The following ARB2A variants were observed in gnomAD, a reference collection of about 807,000 sequenced individuals.
The protein encoded by ARB2A is ARB2 cotranscriptional regulator A, also known as cotranscriptional regulator ARB2A.
At chr5:93,698,521 G>A in the ARB2A span, among the ~76,000 whole-genome samples, 1 of 152,108 alleles carries the variant, frequency 6.6e-6, no homozygotes, top group South Asian at 2.1e-4. Flanking sequence ...ACACCGAGAA[G>A]GTGATATTTG....
At chr5:94,023,955 G>A in the ARB2A span, among the ~76,000 whole-genome samples, 5 of 152,290 alleles carry the variant, frequency 3.3e-5, no homozygotes, top group Admixed American at 2.6e-4. Flanking sequence ...GAAAGAAATG[G>A]TGGGTTTCTG....
chr5:93,741,561 C>T, the ARB2A span: 1 of 1,547,852 alleles, frequency 6.5e-7, no homozygotes. Flanking sequence ...TGTGTCCGGC[C>T]ATGGGTGGAA....
chr5:93,862,470 A>C, the ARB2A span: 1 of 152,244 alleles, frequency 6.6e-6, no homozygotes, highest in Non-Finnish European at 1.5e-5. Flanking sequence ...GAAAACATAG[A>C]TGCATTAAAT....
At chr5:94,098,691 G>C in the ARB2A span, among the ~76,000 whole-genome samples, 2 of 151,904 alleles carry the variant, frequency 1.3e-5, no homozygotes, top group Non-Finnish European at 2.9e-5. Context: ...ACAAACTAAG[G>C]AGTTGATTTT....
At chr5:93,908,705 T>C in the ARB2A span, among the ~76,000 whole-genome samples, 2 of 150,942 alleles carry the variant, frequency 1.3e-5, no homozygotes, top group Non-Finnish European at 3.0e-5. Flanking sequence ...AAAGGTTACT[T>C]TCAACTGAAA....
At chr5:93,741,618 CAG>C in the ARB2A span, 1 of 1,445,670 alleles carries the variant, frequency 6.9e-7, no homozygotes, top group African/African-American at 1.4e-5. Flanking sequence ...CTCGAGGCTT[CAG>C]AACAGCCACC....
chr5:93,821,272 C>T, the ARB2A span, among the ~76,000 whole-genome samples: 1 of 151,974 alleles, frequency 6.6e-6, no homozygotes, highest in African/African-American at 2.4e-5. Context: ...CATTCAAACA[C>T]GACGCTACAA....
At chr5:93,634,471 A>G in the ARB2A span, among the ~76,000 whole-genome samples, 1 of 152,148 alleles carries the variant, frequency 6.6e-6, no homozygotes, top group Non-Finnish European at 1.5e-5. Flanking sequence ...AAAGCAGAGT[A>G]TATTTCTTGC....
the ARB2A span, chr5:93,958,892 A>G: frequency 1.2e-6 from 2 of 1,608,576 alleles, no homozygotes; most frequent in Non-Finnish European, 1.7e-6. Flanking sequence ...AATTAAAACC[A>G]TCAGTTTCTG....
chr5:94,066,445 C>T, the ARB2A span, among the ~76,000 whole-genome samples: 2 of 151,034 alleles, frequency 1.3e-5, no homozygotes, highest in Non-Finnish European at 2.9e-5. Context: ...CACACACACA[C>T]ACACACACAC....
chr5:94,014,541 C>T, the ARB2A span, among the ~76,000 whole-genome samples: 1 of 152,048 alleles, frequency 6.6e-6, no homozygotes, highest in Non-Finnish European at 1.5e-5. Context: ...CCCAAATAGA[C>T]AAATCAAGGA....
chr5:93,677,028 A>G, the ARB2A span, among the ~76,000 whole-genome samples: 2 of 152,296 alleles, frequency 1.3e-5, no homozygotes, highest in South Asian at 2.1e-4. Context: ...CATCCTACGA[A>G]TATCTGGCTG....
chr5:93,620,478 A>C, the ARB2A span: 1 of 152,346 alleles, frequency 6.6e-6, no homozygotes, highest in Admixed American at 6.5e-5. Context: ...TTCCTTAAAA[A>C]AAAAAAAAAA....
the ARB2A span, among the ~76,000 whole-genome samples, chr5:94,038,785 A>C: frequency 6.6e-6 from 1 of 151,754 alleles, no homozygotes; most frequent in Non-Finnish European, 1.5e-5. Context: ...TAAAGACAAA[A>C]CTCGATATTC....
At chr5:93,830,311 G>GTGTATGTGTGTGTATGTATA in the ARB2A span, among the ~76,000 whole-genome samples, 1 of 82,260 alleles carries the variant, frequency 1.2e-5, no homozygotes, top group African/African-American at 5.2e-5. Context: ...GTGTGTGTGT[G>GTGTATGTGTGTGTATGTATA]TATATATATA....
chr5:93,780,652 T>G, the ARB2A span, among the ~76,000 whole-genome samples: 1 of 148,546 alleles, frequency 6.7e-6, no homozygotes, highest in Non-Finnish European at 1.5e-5. Context: ...CTCCACCTCC[T>G]GGGTTCAAGT....
At chr5:94,046,639 T>C in the ARB2A span, among the ~76,000 whole-genome samples, 3 of 152,330 alleles carry the variant, frequency 2.0e-5, no homozygotes, top group Admixed American at 1.3e-4. Context: ...GTGCCTGCTT[T>C]CTGCTCCAAG....
the ARB2A span, among the ~76,000 whole-genome samples, chr5:93,855,667 C>G: frequency 2.6e-4 from 40 of 152,246 alleles, 1 homozygote; most frequent in South Asian, 7.9e-3. Flanking sequence ...GTGACAAAAT[C>G]TCTCAGCATT....
At chr5:93,869,065 T>C in the ARB2A span, among the ~76,000 whole-genome samples, 1 of 152,140 alleles carries the variant, frequency 6.6e-6, no homozygotes, top group Non-Finnish European at 1.5e-5. Flanking sequence ...CTTGGTTTGG[T>C]TATTCTTATT....
Sources: allele counts gnomAD v4.1 joint callset (sites outside exome capture counted in the v4.1 genomes callset), GRCh38; gene constraint gnomAD v4.1.1; transcripts MANE v1.5; gene names NCBI Gene and HGNC (gene_info 2026-07-23, HGNC 2026-07-21).